The following ADAM12 variants were observed in gnomAD, a reference collection of about 807,000 sequenced individuals.
ADAM12 encodes ADAM metallopeptidase domain 12.
A neutral mutation model predicts 106.4 loss-of-function variants in ADAM12; 70 were observed. That is an observed-to-expected ratio of 0.66 (90% CI 0.54 to 0.80). ADAM12 has a LOEUF of 0.80. ADAM12 is among the 30% of genes least tolerant of loss of function. The pLI, the probability that ADAM12 is intolerant of heterozygous loss-of-function variation, is 0.00. For synonymous variants in ADAM12, 420 were observed against 433.5 expected (o/e 0.97, Z 0.39); for missense variants, 1,010 against 1,171.9 (o/e 0.86, Z 2.02).
chr10:126,121,690 T>C (rs1956118950), intron 5 of ADAM12, among the ~76,000 whole-genome samples: 2 of 151,864 alleles, frequency 1.3e-5, no homozygotes, highest in Admixed American at 1.3e-4. Context: ...AAGAAGGGAC[T>C]GTGTAAGGTG....
At chr10:126,243,086 G>A (rs924937101) in intron 3 of ADAM12, among the ~76,000 whole-genome samples, 10 of 152,174 alleles carry the variant, frequency 6.6e-5, no homozygotes, top group Non-Finnish European at 1.5e-5. Context: ...GTCAGCGCGT[G>A]CAGAGCAGCT....
intron 2 of ADAM12, among the ~76,000 whole-genome samples, chr10:126,315,067 C>T (rs1405675898): frequency 6.6e-6 from 1 of 152,192 alleles, no homozygotes; most frequent in Non-Finnish European, 1.5e-5. Context: ...AACAGTTAAA[C>T]TCATTTGCCG....
rs1953672998 is a variant in ADAM12 at position 126,017,045 on chromosome 10, C to T, written c.*234G>A. ...TCAGTGATGGTAAAAATGCCTACTA[C>T]AGCGCACTGCACTGTAATCAACATT... On this transcript the variant is annotated 3_prime_UTR_variant, in exon 23 of 23. Transcript: ENST00000448723. 2 of 419,752 alleles carry T rather than the reference C, an allele frequency of 4.8e-6. No individual in the cohort carries two copies. Among genetic ancestry groups the T allele is most frequent in the African/African-American group, 2.0e-5 (1 of 49,248 alleles). The allele number at this position is 419,752 out of a possible 1,614,324, so 26.0% of individuals were successfully genotyped here.
rs141833923 is a variant in ADAM12 at position 126,025,440 on chromosome 10, C to T, written c.2530-5615G>A. 3.2e-4 allele frequency among the ~76,000 whole-genome samples: 47 copies of T among 146,050 alleles called. No individual in the cohort carries two copies. The East Asian group carries it at 8.1e-3, about 25-fold the overall frequency. ...ATAGATGAAGCAGAGGAAAAAATCT[C>T]GGAGCTTGAAGACTATCCTGAAATA... On this transcript the variant is annotated intron_variant, in intron 21 of 22. Coordinates refer to ENST00000448723, the MANE Select transcript of ADAM12 (RefSeq NM_001288973.2).
intron 3 of ADAM12, among the ~76,000 whole-genome samples, chr10:126,231,629 G>A (rs532247036): frequency 6.6e-6 from 1 of 152,162 alleles, no homozygotes; most frequent in South Asian, 2.1e-4. Flanking sequence ...TACCTGCTCT[G>A]GTCACATGGA....
chr10:126,283,399 A>T (rs1354781739), intron 2 of ADAM12, among the ~76,000 whole-genome samples: 2 of 152,112 alleles, frequency 1.3e-5, no homozygotes, highest in Non-Finnish European at 2.9e-5. Flanking sequence ...GGGATCTTTA[A>T]ATTGTTTTCC....
At chr10:126,035,629 G>GCAAA (rs777626244) in intron 21 of ADAM12, among the ~76,000 whole-genome samples, 46 of 152,206 alleles carry the variant, frequency 3.0e-4, no homozygotes, top group Non-Finnish European at 5.9e-4. Context: ...CGTTATTGCA[G>GCAAA]CAAACAGAAA....
At chr10:126,337,390 C>A (rs1854739579) in intron 1 of ADAM12, among the ~76,000 whole-genome samples, 1 of 152,246 alleles carries the variant, frequency 6.6e-6, no homozygotes, top group Admixed American at 6.5e-5. Flanking sequence ...TTTGAAGTCA[C>A]TGGTGCAAGT....
At chr10:126,142,924 T>C (rs976203541) in intron 4 of ADAM12, among the ~76,000 whole-genome samples, 7 of 152,084 alleles carry the variant, frequency 4.6e-5, no homozygotes, top group African/African-American at 1.5e-4. Flanking sequence ...GGTATGTATA[T>C]GGGGTGCATG....
chr10:126,164,785 T>C (rs757109153), intron 3 of ADAM12, among the ~76,000 whole-genome samples: 38 of 152,214 alleles, frequency 2.5e-4, no homozygotes, highest in Non-Finnish European at 5.0e-4. Context: ...GCTGGAATCA[T>C]GAAGATCTTC....
intron 1 of ADAM12, among the ~76,000 whole-genome samples, chr10:126,384,473 T>G (rs2133940749): frequency 6.6e-6 from 1 of 152,256 alleles, no homozygotes; most frequent in African/African-American, 2.4e-5. Flanking sequence ...CAAGAGGAAT[T>G]CTTAGCGTCT....
chr10:126,360,881 G>A (rs1197243226), intron 1 of ADAM12, among the ~76,000 whole-genome samples: 2 of 152,178 alleles, frequency 1.3e-5, no homozygotes, highest in Non-Finnish European at 2.9e-5. Context: ...ATTTACAAAA[G>A]AAAGAGGTTT....
intron 2 of ADAM12, among the ~76,000 whole-genome samples, chr10:126,289,083 A>G (rs1011887749): frequency 6.6e-6 from 1 of 151,214 alleles, no homozygotes; most frequent in South Asian, 2.1e-4. Flanking sequence ...ACGGTGGCCC[A>G]GGGACAGGAC....
chr10:126,324,492 G>A (rs1854220621), intron 2 of ADAM12, among the ~76,000 whole-genome samples: 1 of 152,184 alleles, frequency 6.6e-6, no homozygotes, highest in Non-Finnish European at 1.5e-5. Flanking sequence ...TTGAATTCAG[G>A]TGTCATCCGG....
At chr10:126,178,714 T>C (rs543195215) in intron 3 of ADAM12, among the ~76,000 whole-genome samples, 4 of 152,242 alleles carry the variant, frequency 2.6e-5, no homozygotes, top group African/African-American at 9.6e-5. Flanking sequence ...ATGTCTCCAT[T>C]GCATGTGAAT....
intron 2 of ADAM12, among the ~76,000 whole-genome samples, chr10:126,314,881 C>G (rs1387456835): frequency 1.3e-5 from 2 of 152,130 alleles, no homozygotes; most frequent in Non-Finnish European, 2.9e-5. Context: ...CGTTCAAAAC[C>G]CCTGCTATGA....
intron 11 of ADAM12, among the ~76,000 whole-genome samples, chr10:126,077,594 C>G (rs1023728667): frequency 2.0e-5 from 3 of 152,174 alleles, no homozygotes; most frequent in East Asian, 3.9e-4. Flanking sequence ...AACCCCGACA[C>G]CTATAACCAT....
chr10:126,163,924 C>G (rs1956980480), intron 3 of ADAM12, among the ~76,000 whole-genome samples: 1 of 152,174 alleles, frequency 6.6e-6, no homozygotes. Context: ...TGTGTCAGAA[C>G]TAGTTGGATC....
chr10:126,123,336 C>A (rs1023169966), intron 5 of ADAM12, among the ~76,000 whole-genome samples: 1 of 152,196 alleles, frequency 6.6e-6, no homozygotes, highest in African/African-American at 2.4e-5. Context: ...TTGGAAGACT[C>A]TCAGAGCATG....
Sources: allele counts gnomAD v4.1 joint callset (sites outside exome capture counted in the v4.1 genomes callset), GRCh38; gene constraint gnomAD v4.1.1; transcripts MANE v1.5; gene names NCBI Gene and HGNC (gene_info 2026-07-23, HGNC 2026-07-21).